SPAST: variants seen among roughly 807,000 people sequenced by gnomAD.
SPAST encodes the protein spastin, also known as spastic paraplegia 4 (autosomal dominant; spastin).
Under a neutral mutation model 76.6 loss-of-function variants are expected in SPAST, and 30 were observed. That is an observed-to-expected ratio of 0.39 (90% CI 0.29 to 0.53). The LOEUF is 0.53. SPAST is among the 20% of genes least tolerant of loss of function. SPAST has a pLI of 0.68. For synonymous variants in SPAST, 305 were observed against 281.0 expected (o/e 1.09, Z -0.86); for missense variants, 717 against 770.5 (o/e 0.93, Z 0.82).
chr2:32,107,597 A>G (rs1224509025), intron 4 of SPAST, among the ~76,000 whole-genome samples: 2 of 152,184 alleles, frequency 1.3e-5, no homozygotes, highest in Non-Finnish European at 2.9e-5. Context: ...CTCAAAGGAA[A>G]TACTGGAGTA....
intron 1 of SPAST, among the ~76,000 whole-genome samples, chr2:32,082,005 C>CTTTTTTTTTTTTTTTTTTT: frequency 1.4e-5 from 1 of 71,214 alleles, no homozygotes; most frequent in Non-Finnish European, 2.6e-5. Context: ...AGTTCTCTCT[C>CTTTTTTTTTTTTTTTTTTT]TTTTTTTTTT....
Position 32,114,628 on chromosome 2 carries a change from T to G in SPAST, c.683-10T>G. 1 of 1,612,738 alleles carries G rather than the reference T, an allele frequency of 6.2e-7. No homozygotes were observed. The highest frequency in any genetic ancestry group is 1.3e-5 in the African/African-American group (1 of 75,026). On this transcript the variant is annotated splice_polypyrimidine_tract_variant and intron_variant, in intron 4 of 16. Transcript: ENST00000315285. Reference sequence around the variant, plus strand: ...TTCTAATCACAATGGTTTTACTTTTTCCTTGTCAGAAAGTGGAGCTGTTCC... The same window carrying G: ...TTCTAATCACAATGGTTTTACTTTTGCCTTGTCAGAAAGTGGAGCTGTTCC...
At chr2:32,126,798 T>G (rs1679208345) in intron 7 of SPAST, 150 bp from the exon 8 acceptor site, 2 of 617,586 alleles carry the variant, frequency 3.2e-6, no homozygotes, top group Admixed American at 5.7e-5. Flanking sequence ...TTTTAATTAT[T>G]ACATTAATTT....
At chr2:32,112,937 TA>T (rs1228940475) in intron 4 of SPAST, among the ~76,000 whole-genome samples, 7 of 152,040 alleles carry the variant, frequency 4.6e-5, no homozygotes, top group African/African-American at 1.4e-4. Context: ...TATGTAAAAA[TA>T]TTATTTAGGA....
chr2:32,082,988 T>G (rs950991661), intron 1 of SPAST, among the ~76,000 whole-genome samples: 3 of 152,126 alleles, frequency 2.0e-5, no homozygotes, highest in African/African-American at 7.2e-5. Flanking sequence ...AATTTTTTTT[T>G]TGAGATGGAG....
At chr2:32,101,791 G>A (rs556471362) in intron 4 of SPAST, among the ~76,000 whole-genome samples, 1 of 152,260 alleles carries the variant, frequency 6.6e-6, no homozygotes, top group Non-Finnish European at 1.5e-5. Context: ...TTGTAGATGT[G>A]TGGTATTATT....
At chr2:32,066,972 CAAAA>C (rs60829143) in intron 1 of SPAST, among the ~76,000 whole-genome samples, 11 of 77,600 alleles carry the variant, frequency 1.4e-4, no homozygotes, top group Middle Eastern at 0.014. Flanking sequence ...AAAACTGTCT[CAAAA>C]AAAAAAAAAA....
At chr2:32,083,208 G>A (rs1677310095) in intron 1 of SPAST, among the ~76,000 whole-genome samples, 2 of 152,000 alleles carry the variant, frequency 1.3e-5, no homozygotes, top group South Asian at 2.1e-4. Context: ...TTCCCTCCTT[G>A]GTCTCCCAAA....
At chr2:32,097,430 GTTA>G (rs907233710) in intron 3 of SPAST, among the ~76,000 whole-genome samples, 3 of 152,126 alleles carry the variant, frequency 2.0e-5, no homozygotes, top group Non-Finnish European at 4.4e-5. Context: ...AGAGGCGGCT[GTTA>G]TTATCAGTTT....
chr2:32,113,717 C>T (rs573422144), intron 4 of SPAST, among the ~76,000 whole-genome samples: 1 of 150,668 alleles, frequency 6.6e-6, no homozygotes, highest in East Asian at 2.0e-4. Flanking sequence ...AGGCCCCCAC[C>T]ACCACGTCTG....
At chr2:32,138,311 AT>A (rs1679609492) in intron 12 of SPAST, among the ~76,000 whole-genome samples, 1 of 151,624 alleles carries the variant, frequency 6.6e-6, no homozygotes, top group Non-Finnish European at 1.5e-5. Context: ...AACATCTGTT[AT>A]TTTTTTACTT....
At chr2:32,132,273 C>T (rs1213015318) in intron 9 of SPAST, among the ~76,000 whole-genome samples, 2 of 152,042 alleles carry the variant, frequency 1.3e-5, no homozygotes, top group Non-Finnish European at 2.9e-5. Flanking sequence ...TGCCTGTGGT[C>T]CCAGCCACTT....
At chr2:32,079,503 C>CA (rs1659643486) in intron 1 of SPAST, among the ~76,000 whole-genome samples, 2 of 116,326 alleles carry the variant, frequency 1.7e-5, no homozygotes, top group African/African-American at 6.4e-5. Flanking sequence ...GAGACCCAGT[C>CA]TAAAAAAAAA....
chr2:32,089,824 C>T (rs1382392339), intron 3 of SPAST, among the ~76,000 whole-genome samples: 3 of 151,756 alleles, frequency 2.0e-5, no homozygotes, highest in Admixed American at 6.6e-5. Context: ...AGTGCAGTGG[C>T]GTGATCTTGG....
intron 7 of SPAST, among the ~76,000 whole-genome samples, chr2:32,117,108 A>T (rs1678863338): frequency 6.6e-6 from 1 of 151,402 alleles, no homozygotes; most frequent in South Asian, 2.1e-4. Flanking sequence ...AAATTACAAA[A>T]ATTAGCTGGG....
At position 32,147,215 on chromosome 2, in the gene SPAST, C is replaced by T. The variant is rs1679915565; in HGVS notation, c.1688-3C>T. 1 of 1,606,876 alleles carries T rather than the reference C, an allele frequency of 6.2e-7. No individual in the cohort carries two copies. The highest frequency in any genetic ancestry group is 1.1e-5 in the South Asian group (1 of 90,916). On this transcript the variant is annotated splice_polypyrimidine_tract_variant and splice_region_variant and intron_variant, in intron 15 of 16. Coordinates refer to ENST00000315285, the MANE Select transcript of SPAST (RefSeq NM_014946.4). ...TTAAGTGCCTGACTTTTATGTTTTACAGAACTAAAACCAGAACAGGTGAAG... is the reference window on the plus strand; with the variant it reads ...TTAAGTGCCTGACTTTTATGTTTTATAGAACTAAAACCAGAACAGGTGAAG...
chr2:32,112,404 A>C (rs543194791), intron 4 of SPAST, among the ~76,000 whole-genome samples: 13 of 148,228 alleles, frequency 8.8e-5, no homozygotes, highest in Non-Finnish European at 1.8e-4. Context: ...CTGGAGTGCA[A>C]TGGAGTGATC....
At chr2:32,073,870 A>G (rs1676848607) in intron 1 of SPAST, among the ~76,000 whole-genome samples, 1 of 152,200 alleles carries the variant, frequency 6.6e-6, no homozygotes, top group African/African-American at 2.4e-5. Flanking sequence ...AGCTATGTAG[A>G]TATTCTGTAG....
In SPAST at chr2:32,064,047, GC is replaced by G; in HGVS notation, c.217del (p.Leu73SerfsTer88). On this transcript the variant is annotated frameshift_variant, in exon 1 of 17. Transcript: ENST00000315285. LOFTEE classifies it high-confidence loss of function. ...LLRLVAFHLGLLFVWLCQRFS... is the reference protein window; with the variant it reads ...LLRLVAFHLGXLFVWLCQRFS... ...TGCGTTTGGTCGCCTTCCACCTGGG[GC>G]TCCTCTTCGTGTGGCTCTGCCAGCG... The G allele has an allele frequency of 1.2e-6, 2 of 1,613,310 alleles. No individual in the cohort carries two copies. Among genetic ancestry groups the G allele is most frequent in the Non-Finnish European group, 1.7e-6 (2 of 1,179,546 alleles).
Sources: gnomAD v4.1 joint callset for allele counts (sites outside exome capture counted in the v4.1 genomes callset) on GRCh38, gnomAD v4.1.1 for gene constraint, MANE v1.5 for transcripts, NCBI Gene and HGNC (gene_info 2026-07-23, HGNC 2026-07-21) for gene names.